TRIB2: variants seen among roughly 807,000 people sequenced by gnomAD.
The protein encoded by TRIB2 is tribbles homolog 2.
A neutral mutation model predicts 26.8 loss-of-function variants in TRIB2; 2 were observed. That is an observed-to-expected ratio of 0.07 (90% CI 0.03 to 0.24). TRIB2 has a LOEUF of 0.24. Ranked by LOEUF, TRIB2 falls within the 10% of genes least tolerant of loss-of-function variation. The pLI, the probability that TRIB2 is intolerant of heterozygous loss-of-function variation, is 1.00. For synonymous variants in TRIB2, 189 were observed against 187.3 expected, an observed-to-expected ratio of 1.01 and a Z score of -0.08; for missense variants, 306 against 449.0, an observed-to-expected ratio of 0.68 and a Z score of 2.88.
intron 2 of TRIB2, among the ~76,000 whole-genome samples, chr2:12,736,078 G>A (rs1233231277): frequency 1.3e-5 from 2 of 152,162 alleles, no homozygotes; most frequent in Non-Finnish European, 2.9e-5. Flanking sequence ...AGAAAGAGGG[G>A]TTAGGATGCT....
In TRIB2 at chr2:12,717,683, A is replaced by G; in HGVS notation, c.-625A>G. ...AGCCTCAGACGCCATCTACAGTTAA[A>G]ACGTAGGTAACTGCCCTCTCCCGCA... On this transcript the variant is annotated 5_prime_UTR_variant, in exon 1 of 3. Coordinates refer to ENST00000155926, the MANE Select transcript of TRIB2 (RefSeq NM_021643.4). The surrounding 1 kb of genome is among the most constrained non-coding windows in gnomAD (Gnocchi z 4.8). 2.6e-6 allele frequency: 1 copy of G among 391,138 alleles called. No individual in the cohort carries two copies. The highest frequency in any genetic ancestry group is 4.5e-6 in the Non-Finnish European group (1 of 221,856). The allele number at this position is 391,138 out of a possible 1,614,324, so 24.2% of individuals were successfully genotyped here. A position where few individuals can be genotyped will look rare whatever the true frequency, so the allele number is the denominator to read the frequency against.
At chr2:12,719,575 T>TG (rs764695486) in intron 1 of TRIB2, among the ~76,000 whole-genome samples, 1 of 84,042 alleles carries the variant, frequency 1.2e-5, no homozygotes, top group African/African-American at 5.7e-5. Flanking sequence ...ATTTGCTGAC[T>TG]GTTTTTTTTT....
Position 12,740,208 on chromosome 2 carries a change from G to A in TRIB2, c.564-118G>A. The A allele has an allele frequency of 1.0e-6, 1 of 988,920 alleles. No homozygotes were observed. The highest frequency in any genetic ancestry group is 1.5e-6 in the Non-Finnish European group (1 of 662,962). The allele number at this position is 988,920 out of a possible 1,614,324, so 61.3% of individuals were successfully genotyped here. On this transcript the variant is annotated intron_variant, in intron 2 of 2. Coordinates refer to ENST00000155926, the MANE Select transcript of TRIB2 (RefSeq NM_021643.4). This position sits in a 1 kb window ranked among gnomAD's most constrained non-coding sequence, Gnocchi z 5.8. ...TGTTTGGCTGGTCAGATGAATGCGTGAATGAATGAATGTGAATGAGGAGTC... is the reference window on the plus strand; with the variant it reads ...TGTTTGGCTGGTCAGATGAATGCGTAAATGAATGAATGTGAATGAGGAGTC...
At chr2:12,728,617 G>A (rs988884785) in intron 2 of TRIB2, among the ~76,000 whole-genome samples, 5 of 152,316 alleles carry the variant, frequency 3.3e-5, no homozygotes, top group African/African-American at 9.6e-5. Flanking sequence ...TCTTCTTTGG[G>A]TAGAAGATCT....
chr2:12,723,149 G>C, intron 1 of TRIB2, 111 bp from the exon 2 acceptor site: 1 of 1,249,002 alleles, frequency 8.0e-7, no homozygotes. Context: ...TCCAAGTTCA[G>C]CATATTTTCT....
At chr2:12,720,846 G>T (rs941989495) in intron 1 of TRIB2, among the ~76,000 whole-genome samples, 1 of 152,174 alleles carries the variant, frequency 6.6e-6, no homozygotes, top group South Asian at 2.1e-4. Context: ...GCACTTTAAG[G>T]AGTCTTTAAC....
rs1339107392 is a variant in TRIB2 at position 12,732,515 on chromosome 2, C to T, written c.564-7811C>T. 6.6e-6 allele frequency among the ~76,000 whole-genome samples: 1 copy of T among 152,198 alleles called. No homozygotes were observed. Among genetic ancestry groups the T allele is most frequent in the Non-Finnish European group, 1.5e-5 (1 of 68,034 alleles). On this transcript the variant is annotated intron_variant, in intron 2 of 2. Coordinates refer to ENST00000155926, the MANE Select transcript of TRIB2 (RefSeq NM_021643.4). This position sits in a 1 kb window ranked among gnomAD's most constrained non-coding sequence, Gnocchi z 4.2. ...TGCTTCCCCCGTGGCTCACCTGTTG[C>T]TCTCCCTGCTAATTTGTGGGCCATT...
At chr2:12,734,884 A>G (rs1661534393) in intron 2 of TRIB2, among the ~76,000 whole-genome samples, 1 of 152,202 alleles carries the variant, frequency 6.6e-6, no homozygotes, top group African/African-American at 2.4e-5. Context: ...GACATGAGCC[A>G]TTGCAAGACT....
chr2:12,722,240 G>A (rs1437994533), intron 1 of TRIB2, among the ~76,000 whole-genome samples: 1 of 152,212 alleles, frequency 6.6e-6, no homozygotes, highest in Non-Finnish European at 1.5e-5. Flanking sequence ...ATTGTGAACT[G>A]ATAGCATGCA....
In TRIB2 at chr2:12,741,060, C is replaced by T; in HGVS notation, c.*266C>T. 1 of 433,982 alleles carries T rather than the reference C, an allele frequency of 2.3e-6. No individual in the cohort carries two copies. Among genetic ancestry groups the T allele is most frequent in the Non-Finnish European group, 4.1e-6 (1 of 241,732 alleles). 26.9% of individuals were successfully genotyped at this position (433,982 alleles called of 1,614,324 possible). ...TAGCCTGGGAGACCACCCCTTGCCA[C>T]TTGGGCCACTTCCGCCTACCCCACT... On this transcript the variant is annotated 3_prime_UTR_variant, in exon 3 of 3. Transcript: ENST00000155926.
intron 1 of TRIB2, among the ~76,000 whole-genome samples, chr2:12,722,551 G>A (rs1328584824): frequency 6.6e-6 from 1 of 152,168 alleles, no homozygotes; most frequent in Non-Finnish European, 1.5e-5. Flanking sequence ...GCATTTTGCA[G>A]GCTAATTTTG....
rs1461760455 is a variant in TRIB2 at position 12,742,490 on chromosome 2, C to T, written c.*1696C>T. ...GGCGGCCATGGATTTGCCCTTGATT[C>T]TATTTTGCTAATGGAAGATAGAAAG... On this transcript the variant is annotated 3_prime_UTR_variant, in exon 3 of 3. Transcript: ENST00000155926. 6.6e-6 allele frequency: 1 copy of T among 151,548 alleles called. No individual in the cohort carries two copies. The highest frequency in any genetic ancestry group is 2.4e-5 in the African/African-American group (1 of 41,012). The allele number at this position is 151,548 out of a possible 1,614,324, so 9.4% of individuals were successfully genotyped here. A position where few individuals can be genotyped will look rare whatever the true frequency, so the allele number is the denominator to read the frequency against.
At chr2:12,726,973 C>T (rs1661351406) in intron 2 of TRIB2, among the ~76,000 whole-genome samples, 1 of 152,176 alleles carries the variant, frequency 6.6e-6, no homozygotes, top group South Asian at 2.1e-4. Flanking sequence ...CGCCTTCAGT[C>T]CGGTCCCCCA....
chr2:12,727,375 G>A (rs565572239), intron 2 of TRIB2, among the ~76,000 whole-genome samples: 1 of 152,218 alleles, frequency 6.6e-6, no homozygotes, highest in East Asian at 1.9e-4. Flanking sequence ...GAATTAAGTC[G>A]CTCGCCTGGG....
chr2:12,732,128 G>T lies in TRIB2; in HGVS notation c.564-8198G>T, dbSNP rs552140378. On this transcript the variant is annotated intron_variant, in intron 2 of 2. Coordinates refer to ENST00000155926, the MANE Select transcript of TRIB2 (RefSeq NM_021643.4). This position sits in a 1 kb window ranked among gnomAD's most constrained non-coding sequence, Gnocchi z 4.2. ...CCCTGGCGGCCTGCAGGCTGTGCTTGTGTGGTGTCTGCATGGGGGCGTGGG... is the reference window on the plus strand; with the variant it reads ...CCCTGGCGGCCTGCAGGCTGTGCTTTTGTGGTGTCTGCATGGGGGCGTGGG... Among the ~76,000 whole-genome samples the T allele has an allele frequency of 1.8e-4, 27 of 152,308 alleles. No homozygotes were observed. Among genetic ancestry groups the T allele is most frequent in the African/African-American group, 6.3e-4 (26 of 41,552 alleles).
At chr2:12,739,407 G>GCAC (rs749907081) in intron 2 of TRIB2, among the ~76,000 whole-genome samples, 3 of 152,264 alleles carry the variant, frequency 2.0e-5, no homozygotes, top group East Asian at 3.9e-4. Context: ...TTACAGGTGT[G>GCAC]CACCACCACG....
At chr2:12,730,697 C>T (rs1325736086) in intron 2 of TRIB2, among the ~76,000 whole-genome samples, 1 of 152,184 alleles carries the variant, frequency 6.6e-6, no homozygotes, top group Non-Finnish European at 1.5e-5. Flanking sequence ...CTTAGCAGTA[C>T]TTAGGAATGT....
chr2:12,734,239 T>A (rs935339732), intron 2 of TRIB2, among the ~76,000 whole-genome samples: 10 of 152,160 alleles, frequency 6.6e-5, no homozygotes, highest in Non-Finnish European at 1.0e-4. Context: ...ATTTACAGCG[T>A]TTTAGGCACA....
chr2:12,722,784 T>C (rs982981838), intron 1 of TRIB2, among the ~76,000 whole-genome samples: 5 of 152,196 alleles, frequency 3.3e-5, no homozygotes, highest in African/African-American at 1.2e-4. Context: ...CTGTTTATTC[T>C]CTTAGTTGCT....
Sources: allele counts gnomAD v4.1 joint callset (sites outside exome capture counted in the v4.1 genomes callset), GRCh38; gene constraint gnomAD v4.1.1; non-coding constraint Gnocchi (gnomAD v3.1); transcripts MANE v1.5; gene names NCBI Gene and HGNC (gene_info 2026-07-23, HGNC 2026-07-21).